Variants in MYT1L observed in about 807,000 individuals in gnomAD.
The protein encoded by MYT1L is myelin transcription factor 1-like protein.
Under a neutral mutation model 126.7 loss-of-function variants are expected in MYT1L, and 12 were observed. That is an observed-to-expected ratio of 0.09 (90% CI 0.06 to 0.15). The LOEUF is 0.15. MYT1L is among the 10% of genes least tolerant of loss of function. The pLI, the probability that MYT1L is intolerant of heterozygous loss-of-function variation, is 1.00. For missense variants in MYT1L, 979 were observed against 1,585.2 expected (o/e 0.62, Z 6.49); for synonymous variants, 541 against 604.2 (o/e 0.90, Z 1.53).
chr2:2,186,281 T>C (rs1334268466), intron 2 of MYT1L, among the ~76,000 whole-genome samples: 2 of 148,286 alleles, frequency 1.3e-5, no homozygotes, highest in Non-Finnish European at 3.0e-5. Flanking sequence ...CCCGCGTTCC[T>C]TTCGTGAGGG....
At chr2:2,205,956 T>TGTC (rs1242119805) in intron 2 of MYT1L, among the ~76,000 whole-genome samples, 1 of 151,848 alleles carries the variant, frequency 6.6e-6, no homozygotes, top group African/African-American at 2.4e-5. Flanking sequence ...TGCACTAAGC[T>TGTC]GTCCCATAAT....
chr2:2,171,015 T>A (rs929456086), intron 3 of MYT1L, among the ~76,000 whole-genome samples: 81 of 152,282 alleles, frequency 5.3e-4, no homozygotes, highest in African/African-American at 1.8e-3. Context: ...CTGGAGACCT[T>A]TGGGTGACAA....
chr2:2,178,781 C>A (rs543637112), intron 2 of MYT1L, among the ~76,000 whole-genome samples: 10 of 152,094 alleles, frequency 6.6e-5, no homozygotes, highest in Non-Finnish European at 1.3e-4. Flanking sequence ...TCATTGAAGT[C>A]CAGAAACCCT....
At chr2:2,327,336 T>G (rs890408397) in intron 1 of MYT1L, among the ~76,000 whole-genome samples, 1 of 152,206 alleles carries the variant, frequency 6.6e-6, no homozygotes, top group Non-Finnish European at 1.5e-5. Context: ...CAGATCAATG[T>G]CAGGTGTTGT....
Position 1,912,277 on chromosome 2 carries a change from T to C in MYT1L, c.1619-167A>G, listed in dbSNP as rs189131997. On this transcript the variant is annotated intron_variant, in intron 11 of 24. Transcript: ENST00000647738. The surrounding 1 kb of genome is among the most constrained non-coding windows in gnomAD (Gnocchi z 4.3). ...AACACACATGGGAGGAGAAAGAAGG[T>C]TGACTGGACCCTACGGACCCTACAC... Among the ~76,000 whole-genome samples, 36 of 151,734 alleles carry C rather than the reference T, an allele frequency of 2.4e-4. 1 individual carries two copies. Among genetic ancestry groups the C allele is most frequent in the South Asian group, 1.9e-3 (9 of 4,790 alleles).
intron 23 of MYT1L, among the ~76,000 whole-genome samples, chr2:1,795,231 C>T (rs181863709): frequency 6.6e-6 from 1 of 152,302 alleles, no homozygotes; most frequent in Admixed American, 6.5e-5. Flanking sequence ...TGCTCCTTGC[C>T]CACAACATCA....
chr2:1,813,729 T>C (rs1406111061), intron 21 of MYT1L, among the ~76,000 whole-genome samples: 2 of 151,934 alleles, frequency 1.3e-5, no homozygotes, highest in Admixed American at 6.5e-5. Context: ...CCCTTTTCTG[T>C]AGAAAAATTA....
At chr2:2,131,534 G>A (rs756121355) in intron 3 of MYT1L, among the ~76,000 whole-genome samples, 2 of 152,132 alleles carry the variant, frequency 1.3e-5, no homozygotes, top group Non-Finnish European at 2.9e-5. Context: ...ATTAGCCTTT[G>A]GACATATGGT....
chr2:2,184,338 G>A (rs1295358131), intron 2 of MYT1L, among the ~76,000 whole-genome samples: 1 of 152,176 alleles, frequency 6.6e-6, no homozygotes, highest in Non-Finnish European at 1.5e-5. Context: ...ACAAGACAGA[G>A]TTCGTCCCTG....
chr2:1,965,310 G>T (rs4853817), intron 8 of MYT1L, among the ~76,000 whole-genome samples: 33,631 of 140,292 alleles, frequency 0.24, 4,180 homozygotes, highest in African/African-American at 0.38. Context: ...GCAGGGAAGA[G>T]GAGGACCCAG....
At chr2:2,026,772 G>T (rs944000215) in intron 4 of MYT1L, among the ~76,000 whole-genome samples, 4 of 152,076 alleles carry the variant, frequency 2.6e-5, no homozygotes, top group African/African-American at 9.7e-5. Context: ...CCACCCCAGG[G>T]TGCTTTCTGG....
intron 3 of MYT1L, among the ~76,000 whole-genome samples, chr2:2,067,959 G>A (rs915942111): frequency 1.3e-5 from 2 of 152,142 alleles, no homozygotes; most frequent in Admixed American, 6.5e-5. Flanking sequence ...AGTAAGCCCA[G>A]ATGAGATACT....
intron 1 of MYT1L, among the ~76,000 whole-genome samples, chr2:2,288,170 A>G (rs1225503417): frequency 6.6e-6 from 1 of 152,188 alleles, no homozygotes; most frequent in African/African-American, 2.4e-5. Context: ...TTTAATCCTC[A>G]CGACCAGGTA....
chr2:2,100,701 T>C (rs2077966176), intron 3 of MYT1L, among the ~76,000 whole-genome samples: 1 of 152,150 alleles, frequency 6.6e-6, no homozygotes, highest in Non-Finnish European at 1.5e-5. Context: ...AAATTTCCCC[T>C]TTCTTCTGCT....
At chr2:1,875,020 T>G (rs531210200) in intron 18 of MYT1L, among the ~76,000 whole-genome samples, 29 of 152,302 alleles carry the variant, frequency 1.9e-4, no homozygotes, top group Non-Finnish European at 3.7e-4. Context: ...TTGGTGCAGA[T>G]AAGTATATTC....
At chr2:2,255,407 C>A (rs2094780572) in intron 2 of MYT1L, among the ~76,000 whole-genome samples, 1 of 152,112 alleles carries the variant, frequency 6.6e-6, no homozygotes. Context: ...ACATACAAGT[C>A]TTTTGCCCCA....
intron 9 of MYT1L, among the ~76,000 whole-genome samples, chr2:1,936,809 C>CCT (rs1273334927): frequency 6.6e-6 from 1 of 152,098 alleles, no homozygotes; most frequent in Non-Finnish European, 1.5e-5. Context: ...ACAGCAGACC[C>CCT]CTCACCCCCT....
intron 21 of MYT1L, among the ~76,000 whole-genome samples, chr2:1,822,778 T>C (rs1391957785): frequency 2.9e-5 from 2 of 69,934 alleles, no homozygotes; most frequent in Non-Finnish European, 5.4e-5. Context: ...GAAACCCTCC[T>C]CTCCTGTGAA....
chr2:2,230,794 C>T (rs1387830676), intron 2 of MYT1L, among the ~76,000 whole-genome samples: 1 of 152,218 alleles, frequency 6.6e-6, no homozygotes, highest in Non-Finnish European at 1.5e-5. Flanking sequence ...CTTTGATCCT[C>T]AGCTATTTGC....
Sources: allele counts gnomAD v4.1 joint callset (sites outside exome capture counted in the v4.1 genomes callset), GRCh38; gene constraint gnomAD v4.1.1; non-coding constraint Gnocchi (gnomAD v3.1); transcripts MANE v1.5; gene names NCBI Gene and HGNC (gene_info 2026-07-23, HGNC 2026-07-21).